Variants in PALLD observed in about 807,000 individuals in gnomAD.
PALLD encodes the protein palladin, cytoskeletal associated protein.
A neutral mutation model predicts 123.5 loss-of-function variants in PALLD; 61 were observed. The observed-to-expected ratio is 0.49, with a 90% CI of 0.40 to 0.61. The LOEUF (loss-of-function observed/expected upper bound fraction) is 0.61, where lower values mean the gene tolerates loss of function less well. Ranked by LOEUF, PALLD falls within the 20% of genes least tolerant of loss-of-function variation. The pLI, the probability that PALLD is intolerant of heterozygous loss-of-function variation, is 0.00. For synonymous variants in PALLD, 465 were observed against 496.4 expected (o/e 0.94, Z 0.84); for missense variants, 1,273 against 1,377.0 (o/e 0.92, Z 1.20).
At chr4:168,856,987 A>G (rs1748697887) in intron 10 of PALLD, among the ~76,000 whole-genome samples, 1 of 152,250 alleles carries the variant, frequency 6.6e-6, no homozygotes, top group African/African-American at 2.4e-5. Context: ...AGCACAAGGC[A>G]TATTTGTTTT....
chr4:168,671,004 C>T (rs1191116358), intron 3 of PALLD, among the ~76,000 whole-genome samples: 5 of 133,728 alleles, frequency 3.7e-5, no homozygotes, highest in African/African-American at 5.7e-5. Context: ...GGCAACAGAG[C>T]GAGGCTCAGT....
intron 10 of PALLD, among the ~76,000 whole-genome samples, chr4:168,853,512 A>C (rs1201021774): frequency 7.9e-5 from 12 of 152,212 alleles, no homozygotes. Context: ...CTCTGAGGGC[A>C]GGAAACTGAA....
At chr4:168,727,184 C>T (rs1561453072) in intron 10 of PALLD, among the ~76,000 whole-genome samples, 2 of 152,204 alleles carry the variant, frequency 1.3e-5, no homozygotes, top group Non-Finnish European at 2.9e-5. Flanking sequence ...CTACAGTGAA[C>T]ATACTAGTGC....
At chr4:168,554,687 G>T (rs1433006378) in intron 2 of PALLD, among the ~76,000 whole-genome samples, 3 of 152,100 alleles carry the variant, frequency 2.0e-5, no homozygotes, top group Non-Finnish European at 4.4e-5. Flanking sequence ...AGTCTTTAAT[G>T]CTCCATATAT....
chr4:168,803,642 C>T (rs558055102), intron 10 of PALLD, among the ~76,000 whole-genome samples: 5 of 146,968 alleles, frequency 3.4e-5, no homozygotes, highest in Non-Finnish European at 5.9e-5. Flanking sequence ...GCTACGATGG[C>T]GTACTGCACT....
intron 1 of PALLD, among the ~76,000 whole-genome samples, chr4:168,501,795 A>G (rs922575315): frequency 2.0e-5 from 3 of 152,294 alleles, no homozygotes; most frequent in African/African-American, 7.2e-5. Context: ...CCTCCCCGCC[A>G]AGGGTGTGCC....
Position 168,926,415 on chromosome 4 carries a change from G to GAAAC in PALLD, c.*237_*240dup, listed in dbSNP as rs1560941154. 2 of 1,498,574 alleles carry GAAAC rather than the reference G, an allele frequency of 1.3e-6. No homozygotes were observed. The highest frequency in any genetic ancestry group is 2.5e-5 in the East Asian group (1 of 40,726). The allele number at this position is 1,498,574 out of a possible 1,614,324, so 92.8% of individuals were successfully genotyped here. On this transcript the variant is annotated 3_prime_UTR_variant, in exon 22 of 22. Coordinates refer to ENST00000505667, the MANE Select transcript of PALLD (RefSeq NM_001166108.2). ...GCATTCTTGTTAAAGCTGAAACACT[G>GAAAC]AAACAGCCATTGCCTTGACCAACAT... is the stretch of plus-strand genomic sequence containing the variant.
At chr4:168,598,967 T>C (rs908215102) in intron 2 of PALLD, among the ~76,000 whole-genome samples, 5 of 152,196 alleles carry the variant, frequency 3.3e-5, no homozygotes, top group Non-Finnish European at 7.3e-5. Context: ...CAAAAACATA[T>C]TCTTCCTATA....
At chr4:168,766,002 C>T (rs967273173) in intron 10 of PALLD, among the ~76,000 whole-genome samples, 2 of 152,200 alleles carry the variant, frequency 1.3e-5, no homozygotes, top group African/African-American at 2.4e-5. Flanking sequence ...TCTGCCATGG[C>T]TCTGGGCACA....
intron 2 of PALLD, among the ~76,000 whole-genome samples, chr4:168,566,446 AGCCACCAAGCCCG>A (rs1164465419): frequency 6.6e-6 from 1 of 152,028 alleles, no homozygotes; most frequent in Non-Finnish European, 1.5e-5. Flanking sequence ...TACAGGCATG[AGCCACCAAGCCCG>A]GCTAATTTTT....
intron 10 of PALLD, among the ~76,000 whole-genome samples, chr4:168,810,766 CCACTGCAG>C (rs1248878183): frequency 1.3e-5 from 2 of 151,090 alleles, no homozygotes; most frequent in African/African-American, 4.9e-5. Context: ...CGAGATTGCG[CCACTGCAG>C]TCCGCAGTCC....
chr4:168,878,519 C>G (rs112760175), intron 10 of PALLD: 13,310 of 631,408 alleles, frequency 0.021, 225 homozygotes, highest in Middle Eastern at 0.056. Context: ...ACATTTCACA[C>G]ATTTCTCTCC....
intron 10 of PALLD, among the ~76,000 whole-genome samples, chr4:168,874,538 A>G (rs949889787): frequency 6.6e-6 from 1 of 152,244 alleles, no homozygotes; most frequent in Non-Finnish European, 1.5e-5. Context: ...ATATTCTTAA[A>G]TATGTATTTA....
chr4:168,711,086 T>C (rs899232330), intron 9 of PALLD, among the ~76,000 whole-genome samples: 3 of 152,108 alleles, frequency 2.0e-5, no homozygotes, highest in Admixed American at 2.0e-4. Context: ...TCACCTAATA[T>C]GGAAAAAAAT....
At chr4:168,593,440 A>AAAAAAAAAAAAAG (rs1554047277) in intron 2 of PALLD, among the ~76,000 whole-genome samples, 4,626 of 140,730 alleles carry the variant, frequency 0.033, 184 homozygotes, top group South Asian at 0.11. Flanking sequence ...ACCAGGCAAA[A>AAAAAAAAAAAAAG]AAAAAAGAAA....
At chr4:168,752,483 T>C (rs1238501076) in intron 10 of PALLD, among the ~76,000 whole-genome samples, 2 of 152,282 alleles carry the variant, frequency 1.3e-5, no homozygotes, top group Non-Finnish European at 2.9e-5. Context: ...ATGTTGCTTT[T>C]CCATAGAATA....
At chr4:168,570,653 A>G (rs532143868) in intron 2 of PALLD, among the ~76,000 whole-genome samples, 1 of 152,152 alleles carries the variant, frequency 6.6e-6, no homozygotes, top group Non-Finnish European at 1.5e-5. Context: ...GAGACAAAAG[A>G]TCCTTTTTTC....
At chr4:168,798,236 A>G (rs904908) in intron 10 of PALLD, among the ~76,000 whole-genome samples, 139,986 of 152,140 alleles carry the variant, frequency 0.92, 64,455 homozygotes, top group Middle Eastern at 0.95. Context: ...AGGCCTTGCC[A>G]TATCAAAGGT....
In PALLD at chr4:168,709,100, A is replaced by G; in HGVS notation, c.1574A>G (p.Asn525Ser). The change falls in exon 9 of 22, where the codon AAT (asparagine) becomes AGT (serine). Residue 525 changes from asparagine to serine, a missense_variant. By Grantham distance (46) the Asn-to-Ser change is conservative. Coordinates refer to ENST00000505667, the MANE Select transcript of PALLD (RefSeq NM_001166108.2). ...GGGATCTTTACATGTTCAGCAAGAA[A>G]TGATTATGGATCAGCAACCAGCACT... is the stretch of plus-strand genomic sequence containing the variant. Reference protein sequence around the residue: ...DAGIFTCSARNDYGSATSTAQ... With the variant: ...DAGIFTCSARSDYGSATSTAQ... 6.2e-7 allele frequency: 1 copy of G among 1,613,922 alleles called. No homozygotes were observed. The highest frequency in any genetic ancestry group is 1.1e-5 in the South Asian group (1 of 91,056).
Sources: allele counts gnomAD v4.1 joint callset (sites outside exome capture counted in the v4.1 genomes callset), GRCh38; gene constraint gnomAD v4.1.1; transcripts MANE v1.5; gene names NCBI Gene and HGNC (gene_info 2026-07-23, HGNC 2026-07-21).